The following C5orf63 variants were observed in gnomAD, a reference collection of about 807,000 sequenced individuals.
C5orf63 encodes chromosome 5 open reading frame 63.
C5orf63 carries 18 observed loss-of-function variants against 13.3 expected under a neutral mutation model. That is an observed-to-expected ratio of 1.36 (90% confidence interval 0.94 to 2.01). C5orf63 has a LOEUF of 2.01. Among genes scored for constraint, C5orf63 ranks in the 30% most tolerant of loss-of-function variants. The probability of loss-of-function intolerance (pLI) is 0.00; values close to 1 mark genes in which losing one functional copy is unlikely to be tolerated. For missense variants in C5orf63, 118 were observed against 127.7 expected, an observed-to-expected ratio of 0.92 and a Z score of 0.36; for synonymous variants, 38 against 44.7, an observed-to-expected ratio of 0.85 and a Z score of 0.60.
Position 127,058,956 on chromosome 5 carries a change from A to G in C5orf63, c.40T>C (p.Ser14Pro), listed in dbSNP as rs990994638. Residue 14 changes from serine (S) to proline (P), a missense_variant, in exon 3 of 5, where the codon TCC becomes CCC. Physicochemically the swap from Ser to Pro is moderately conservative, Grantham distance 74 (BLOSUM62 -1). Transcript: ENST00000296662. ...TTTCTCAAGAAGAGTCCAAAGGAGG[A>G]TCTGGCAAGTTGCATGCTATTTCCT... ...FQGNSMQLAR[S>P]SFGLFLRNCS... 2 of 1,537,270 alleles carry G rather than the reference A, an allele frequency of 1.3e-6. No homozygotes were observed. Among genetic ancestry groups the G allele is most frequent in the African/African-American group, 2.7e-5 (2 of 73,158 alleles).
chr5:127,053,498 C>A (rs1580525533), intron 3 of C5orf63, among the ~76,000 whole-genome samples: 1 of 151,766 alleles, frequency 6.6e-6, no homozygotes. Context: ...TTTTGTTACA[C>A]ATGTATACAT....
At chr5:127,043,897 C>T (rs193104436), downstream of C5orf63, 19 of 152,298 alleles carry the variant, frequency 1.2e-4, no homozygotes, top group Non-Finnish European at 2.2e-4. Context: ...TTAAGGGAAG[C>T]GTTTTCTAAA....
intron 2 of C5orf63, 108 bp from the exon 3 acceptor site, chr5:127,059,110 G>A (rs1252898704): frequency 5.6e-6 from 4 of 716,438 alleles, no homozygotes; most frequent in Admixed American, 2.5e-5. Context: ...CTTCAGAATT[G>A]TTTCTTCAAG....
At position 127,051,416 on chromosome 5, in the gene C5orf63, G is replaced by A. The variant is rs989111682; in HGVS notation, c.*355C>T. On this transcript the variant is annotated 3_prime_UTR_variant, in exon 5 of 5. Transcript: ENST00000296662. ...CTTTCATTAAAAAGTTAAGCCCTCC[G>A]GGGCAGCAGCAGGAATGCAGAACCT... 22 of 1,232,636 alleles carry A rather than the reference G, an allele frequency of 1.8e-5. No individual in the cohort carries two copies. Among genetic ancestry groups the A allele is most frequent in the East Asian group, 6.3e-5 (2 of 31,754 alleles). 76.4% of individuals were successfully genotyped at this position (1,232,636 alleles called of 1,614,324 possible).
downstream of C5orf63, among the ~76,000 whole-genome samples, chr5:127,050,253 C>A (rs1007831235): frequency 1.3e-5 from 2 of 152,152 alleles, no homozygotes; most frequent in Non-Finnish European, 2.9e-5. Context: ...ATTCTGCCCA[C>A]CCCAGGGCTC....
At chr5:127,047,536 A>G, downstream of C5orf63, 1 of 576,550 alleles carries the variant, frequency 1.7e-6, no homozygotes. Flanking sequence ...ATAAGAATTG[A>G]TGAGTAAGTT....
Position 127,051,594 on chromosome 5 carries a change from GT to G in C5orf63, c.*176del. On this transcript the variant is annotated 3_prime_UTR_variant, in exon 5 of 5. Transcript: ENST00000296662. ...TTTATAAAATGCCATTAAGCAAACA[GT>G]TCCCACACTGATACTTCCATCAACC... 7.8e-7 allele frequency: 1 copy of G among 1,283,782 alleles called. No homozygotes were observed. The highest frequency in any genetic ancestry group is 1.5e-5 in the African/African-American group (1 of 66,004). The allele number at this position is 1,283,782 out of a possible 1,614,324, so 79.5% of individuals were successfully genotyped here.
chr5:127,059,245 C>T (rs112168180), intron 2 of C5orf63, among the ~76,000 whole-genome samples: 2,715 of 152,218 alleles, frequency 0.018, 42 homozygotes, highest in Non-Finnish European at 0.027. Context: ...AGCTGTATGC[C>T]TAATCACTTG....
chr5:127,072,284 A>G (rs1754574102), intron 1 of C5orf63, among the ~76,000 whole-genome samples: 1 of 152,228 alleles, frequency 6.6e-6, no homozygotes, highest in South Asian at 2.1e-4. Context: ...CAGTATTATC[A>G]TAATTATCCA....
At chr5:127,053,148 G>A (rs761400832) in intron 3 of C5orf63, among the ~76,000 whole-genome samples, 1 of 152,256 alleles carries the variant, frequency 6.6e-6, no homozygotes, top group East Asian at 1.9e-4. Flanking sequence ...GAGTCAGATA[G>A]TAATTGCCTC....
Position 127,051,319 on chromosome 5 carries a change from C to T in C5orf63, c.*452G>A, listed in dbSNP as rs1194400595. 8.9e-6 allele frequency: 11 copies of T among 1,230,114 alleles called. No homozygotes were observed. The highest frequency in any genetic ancestry group is 3.1e-5 in the African/African-American group (2 of 64,368). The allele number at this position is 1,230,114 out of a possible 1,614,324, so 76.2% of individuals were successfully genotyped here. ...CATGCAGATGTATTCCTTAAAACATCGCTTTATTGACCGTGCACAGTTATT... is the reference window on the plus strand; with the variant it reads ...CATGCAGATGTATTCCTTAAAACATTGCTTTATTGACCGTGCACAGTTATT... On this transcript the variant is annotated 3_prime_UTR_variant, in exon 5 of 5. Transcript: ENST00000296662.
At chr5:127,058,686 C>T (rs1753981241) in intron 3 of C5orf63, 196 bp downstream of exon 3, 1 of 544,766 alleles carries the variant, frequency 1.8e-6, no homozygotes, top group Admixed American at 3.3e-5. Context: ...CCATTAAATA[C>T]ATCAATTTAC....
chr5:127,069,612 T>C (rs1754459235), intron 2 of C5orf63, among the ~76,000 whole-genome samples: 1 of 152,198 alleles, frequency 6.6e-6, no homozygotes, highest in African/African-American at 2.4e-5. Flanking sequence ...GGACATTGAG[T>C]TGCTAAATCC....
chr5:127,058,912 T>G lies in C5orf63; in HGVS notation c.84A>C (p.Thr28=). The change falls in exon 3 of 5, where the codon ACA becomes ACC. Residue 28 remains threonine (T), a synonymous_variant. Transcript: ENST00000296662. The stretch of plus-strand genomic sequence containing the variant: ...TGAATAAGGTCAACACAGGCAGAGT[T>G]GTCTTAGAGGCAGAGCAATTTCTCA... ...LFLRNCSASK[T]TLPVLTLFTK... is the part of the protein sequence containing the mutation. 1 of 1,536,938 alleles carries G rather than the reference T, an allele frequency of 6.5e-7. No homozygotes were observed. Among genetic ancestry groups the G allele is most frequent in the Non-Finnish European group, 8.7e-7 (1 of 1,146,570 alleles).
intron 4 of C5orf63, chr5:127,052,257 G>A (rs1753706138): frequency 3.0e-6 from 1 of 328,744 alleles, no homozygotes; most frequent in African/African-American, 2.1e-5. Flanking sequence ...AAATGTTTTG[G>A]TTACAGGAAC....
intron 2 of C5orf63, among the ~76,000 whole-genome samples, chr5:127,067,234 T>C (rs554359799): frequency 3.9e-5 from 6 of 152,256 alleles, no homozygotes; most frequent in Non-Finnish European, 5.9e-5. Flanking sequence ...TCTGTGTAAG[T>C]TATAAAGCAG....
chr5:127,072,360 A>C (rs1020150678), intron 1 of C5orf63, among the ~76,000 whole-genome samples: 7 of 152,174 alleles, frequency 4.6e-5, no homozygotes, highest in African/African-American at 1.4e-4. Flanking sequence ...AATGCACCCC[A>C]ATGTATACAG....
intron 1 of C5orf63, among the ~76,000 whole-genome samples, chr5:127,072,910 T>A (rs1432179166): frequency 6.6e-6 from 1 of 152,214 alleles, no homozygotes; most frequent in Non-Finnish European, 1.5e-5. Flanking sequence ...AGAGGGCTGC[T>A]TTTGCCCAAT....
At chr5:127,047,989 T>C (rs1188469456), downstream of C5orf63, 12 of 617,206 alleles carry the variant, frequency 1.9e-5, no homozygotes, top group Non-Finnish European at 1.4e-5. Context: ...ACTGGCCTAC[T>C]TTCTGGACCC....
Sources: allele counts gnomAD v4.1 joint callset (sites outside exome capture counted in the v4.1 genomes callset), GRCh38; gene constraint gnomAD v4.1.1; transcripts MANE v1.5; gene names NCBI Gene and HGNC (gene_info 2026-07-23, HGNC 2026-07-21).